The following KCNH8 variants were observed in gnomAD, a reference collection of about 807,000 sequenced individuals.
KCNH8 encodes potassium voltage-gated channel subfamily H member 8, also known as voltage-gated delayed rectifier potassium channel KCNH8.
A neutral mutation model predicts 103.6 loss-of-function variants in KCNH8; 70 were observed. That is an observed-to-expected ratio of 0.68 (90% CI 0.56 to 0.82). KCNH8 has a LOEUF of 0.82. Among genes scored for constraint, KCNH8 ranks in the 40% least tolerant of loss-of-function variants. The pLI, the probability that KCNH8 is intolerant of heterozygous loss-of-function variation, is 0.00. For synonymous variants in KCNH8, 498 were observed against 489.4 expected, an observed-to-expected ratio of 1.02 and a Z score of -0.23; for missense variants, 1,217 against 1,329.9, an observed-to-expected ratio of 0.92 and a Z score of 1.32.
intron 1 of KCNH8, among the ~76,000 whole-genome samples, chr3:19,249,095 A>G (rs75321361): frequency 0.02 from 3,054 of 152,364 alleles, 43 homozygotes; most frequent in Non-Finnish European, 0.03. Flanking sequence ...ATTTAGATGC[A>G]TATTGCATAT....
chr3:19,450,884 G>C (rs939888042), intron 9 of KCNH8: 11 of 404,342 alleles, frequency 2.7e-5, no homozygotes, highest in Non-Finnish European at 4.1e-5. Flanking sequence ...CTGTGAGAAG[G>C]AAGTCACAAT....
intron 4 of KCNH8, among the ~76,000 whole-genome samples, chr3:19,343,638 G>A (rs1358331666): frequency 1.3e-5 from 2 of 152,046 alleles, no homozygotes; most frequent in African/African-American, 2.4e-5. Context: ...TTTTGGAATC[G>A]ATTTAAGATC....
At chr3:19,484,234 G>A (rs551715222) in intron 11 of KCNH8, among the ~76,000 whole-genome samples, 17 of 152,170 alleles carry the variant, frequency 1.1e-4, no homozygotes, top group African/African-American at 2.9e-4. Flanking sequence ...CTGGCTGGTC[G>A]TTTCCTGGGC....
At chr3:19,275,954 C>G (rs2064664485) in intron 2 of KCNH8, among the ~76,000 whole-genome samples, 1 of 152,050 alleles carries the variant, frequency 6.6e-6, no homozygotes, top group African/African-American at 2.4e-5. Flanking sequence ...AGGAAGAATA[C>G]TTTGGAAAAG....
intron 14 of KCNH8, among the ~76,000 whole-genome samples, chr3:19,517,404 C>T (rs2068892874): frequency 6.6e-6 from 1 of 152,040 alleles, no homozygotes; most frequent in South Asian, 2.1e-4. Flanking sequence ...CTCAAGCTGG[C>T]ACTGACTCAC....
chr3:19,251,015 A>C (rs760869563), intron 1 of KCNH8, among the ~76,000 whole-genome samples: 1 of 152,132 alleles, frequency 6.6e-6, no homozygotes, highest in African/African-American at 2.4e-5. Flanking sequence ...TGTCAATCCT[A>C]TGTATTTACA....
intron 2 of KCNH8, among the ~76,000 whole-genome samples, chr3:19,269,663 C>T (rs2064560692): frequency 6.6e-6 from 1 of 151,820 alleles, no homozygotes. Context: ...CATTTCACTT[C>T]TTTAGACTCA....
chr3:19,169,525 C>T (rs1250226419), intron 1 of KCNH8, among the ~76,000 whole-genome samples: 2 of 152,114 alleles, frequency 1.3e-5, no homozygotes, highest in Admixed American at 1.3e-4. Context: ...GGATTACAGG[C>T]GTGAGCCACC....
intron 10 of KCNH8, among the ~76,000 whole-genome samples, chr3:19,455,856 G>A (rs2067524134): frequency 6.6e-6 from 1 of 152,050 alleles, no homozygotes; most frequent in Non-Finnish European, 1.5e-5. Flanking sequence ...GACACTAGTT[G>A]CTTAGCAGAG....
intron 15 of KCNH8, among the ~76,000 whole-genome samples, chr3:19,533,084 G>C (rs1260004897): frequency 6.6e-6 from 1 of 151,702 alleles, no homozygotes; most frequent in Admixed American, 6.6e-5. Context: ...GGCGCCTGTA[G>C]TCCCAGCTAC....
intron 1 of KCNH8, among the ~76,000 whole-genome samples, chr3:19,161,912 T>C (rs886656703): frequency 6.6e-6 from 1 of 152,182 alleles, no homozygotes; most frequent in Non-Finnish European, 1.5e-5. Flanking sequence ...AGTGATTAGA[T>C]ACATTAAATA....
chr3:19,503,674 A>C (rs895620140), intron 11 of KCNH8, among the ~76,000 whole-genome samples: 1 of 151,904 alleles, frequency 6.6e-6, no homozygotes, highest in African/African-American at 2.4e-5. Context: ...AAACTATCTC[A>C]AGAACAAAAA....
intron 1 of KCNH8, among the ~76,000 whole-genome samples, chr3:19,244,321 A>G (rs1406472451): frequency 6.6e-6 from 1 of 152,142 alleles, no homozygotes; most frequent in Non-Finnish European, 1.5e-5. Flanking sequence ...GTTTGACCAC[A>G]TTTTATTTAC....
At chr3:19,250,335 A>AATTGGGT (rs1415963402) in intron 1 of KCNH8, among the ~76,000 whole-genome samples, 1 of 152,208 alleles carries the variant, frequency 6.6e-6, no homozygotes, top group African/African-American at 2.4e-5. Context: ...CCAATGTAAT[A>AATTGGGT]TACTTATAAT....
intron 5 of KCNH8, among the ~76,000 whole-genome samples, chr3:19,383,865 T>G (rs1184366532): frequency 6.6e-6 from 1 of 152,192 alleles, no homozygotes; most frequent in East Asian, 1.9e-4. Context: ...AGAATAAATG[T>G]GTCAAAACTT....
At chr3:19,340,015 C>A (rs554608745) in intron 3 of KCNH8, among the ~76,000 whole-genome samples, 48 of 152,212 alleles carry the variant, frequency 3.2e-4, no homozygotes, top group African/African-American at 1.1e-3. Context: ...ACTCCTGTTA[C>A]TAGATGTGTG....
intron 2 of KCNH8, among the ~76,000 whole-genome samples, chr3:19,260,149 C>G (rs918177106): frequency 2.6e-5 from 4 of 151,416 alleles, no homozygotes; most frequent in African/African-American, 9.7e-5. Context: ...ATGCTAGCTG[C>G]ATATTTTAGC....
chr3:19,377,427 G>A (rs2066225139), intron 5 of KCNH8, among the ~76,000 whole-genome samples: 1 of 152,150 alleles, frequency 6.6e-6, no homozygotes, highest in Non-Finnish European at 1.5e-5. Context: ...GTCCAAGGGT[G>A]GTTATAGCCA....
intron 1 of KCNH8, among the ~76,000 whole-genome samples, chr3:19,205,362 ATT>A (rs2063704279): frequency 6.6e-6 from 1 of 152,066 alleles, no homozygotes; most frequent in Non-Finnish European, 1.5e-5. Context: ...TTTTCTGAGA[ATT>A]TAGAAAATAT....
Sources: allele counts gnomAD v4.1 joint callset (sites outside exome capture counted in the v4.1 genomes callset), GRCh38; gene constraint gnomAD v4.1.1; transcripts MANE v1.5; gene names NCBI Gene and HGNC (gene_info 2026-07-23, HGNC 2026-07-21).